The following PTN variants were observed in gnomAD, a reference collection of about 807,000 sequenced individuals.
PTN encodes pleiotrophin.
PTN carries 18 observed loss-of-function variants against 24.1 expected under a neutral mutation model. The ratio of observed to expected loss-of-function variants is 0.75; its 90% confidence interval spans 0.52 to 1.11. The LOEUF (loss-of-function observed/expected upper bound fraction) is 1.11. PTN is among the 50% of genes least tolerant of loss of function. The pLI, the probability that PTN is intolerant of heterozygous loss-of-function variation, is 0.00. For missense variants in PTN, 163 were observed against 198.8 expected (o/e 0.82, Z 1.08); for synonymous variants, 78 against 68.6 (o/e 1.14, Z -0.67).
chr7:137,342,838 A>T (rs1249990109), intron 1 of PTN, among the ~76,000 whole-genome samples: 1 of 152,146 alleles, frequency 6.6e-6, no homozygotes, highest in Non-Finnish European at 1.5e-5. Flanking sequence ...TAAACTTTGG[A>T]CCTAACCATT....
At chr7:137,248,690 A>C (rs1158230973) in intron 4 of PTN, among the ~76,000 whole-genome samples, 1 of 152,176 alleles carries the variant, frequency 6.6e-6, no homozygotes, top group Non-Finnish European at 1.5e-5. Context: ...AAAAAGAAAA[A>C]AGAAATCATT....
intron 1 of PTN, among the ~76,000 whole-genome samples, chr7:137,258,850 G>C (rs1808982244): frequency 6.6e-6 from 1 of 152,124 alleles, no homozygotes; most frequent in Non-Finnish European, 1.5e-5. Context: ...TGCCAAATGA[G>C]AGCAGAGGCA....
Position 137,324,084 on chromosome 7 carries a change from T to C in PTN, c.-2+19355A>G, listed in dbSNP as rs986036071. On this transcript the variant is annotated intron_variant, in intron 1 of 4. Coordinates refer to ENST00000348225, the MANE Select transcript of PTN (RefSeq NM_002825.7). ...CAGTTGTAGAGGCTGGTCTAGAACATAGAATCTATTATATTCCAACAAATT... is the reference window on the plus strand; with the variant it reads ...CAGTTGTAGAGGCTGGTCTAGAACACAGAATCTATTATATTCCAACAAATT... 3.3e-5 allele frequency among the ~76,000 whole-genome samples: 5 copies of C among 152,134 alleles called. 1 individual carries two copies. Among genetic ancestry groups the C allele is most frequent in the Admixed American group, 1.3e-4 (2 of 15,262 alleles).
At chr7:137,333,057 A>T (rs1302086931) in intron 1 of PTN, among the ~76,000 whole-genome samples, 3 of 152,160 alleles carry the variant, frequency 2.0e-5, no homozygotes, top group Non-Finnish European at 4.4e-5. Flanking sequence ...ATGGGAGTAG[A>T]TTCCCTCATG....
intron 2 of PTN, 124 bp from the exon 3 acceptor site, chr7:137,253,761 C>A: frequency 1.3e-6 from 1 of 799,674 alleles, no homozygotes; most frequent in Non-Finnish European, 1.8e-6. Context: ...TCCTTATTGT[C>A]TAATGAATAG....
intron 4 of PTN, among the ~76,000 whole-genome samples, chr7:137,246,906 A>G (rs1280605893): frequency 6.6e-6 from 1 of 152,188 alleles, no homozygotes; most frequent in Non-Finnish European, 1.5e-5. Flanking sequence ...GAGTTGCCTA[A>G]CATTTCTGAG....
Position 137,331,949 on chromosome 7 carries a change from G to A in PTN, c.-2+11490C>T, listed in dbSNP as rs191464198. 3.1e-3 allele frequency among the ~76,000 whole-genome samples: 470 copies of A among 152,322 alleles called. 6 individuals carry two copies. The highest frequency in any genetic ancestry group is 0.017 in the Middle Eastern group (5 of 294). ...TATTTGTTTGTTTGCTTTATGAGAT[G>A]TTTGTTTGCTTGCATTTTCCCAGTG... On this transcript the variant is annotated intron_variant, in intron 1 of 4. Transcript: ENST00000348225.
At chr7:137,329,759 T>C (rs560353004) in intron 1 of PTN, among the ~76,000 whole-genome samples, 1 of 152,280 alleles carries the variant, frequency 6.6e-6, no homozygotes, top group African/African-American at 2.4e-5. Flanking sequence ...GAGTACTATC[T>C]GCAACTGGCA....
chr7:137,339,212 T>C (rs974137383), intron 1 of PTN, among the ~76,000 whole-genome samples: 2 of 152,028 alleles, frequency 1.3e-5, no homozygotes, highest in Non-Finnish European at 2.9e-5. Context: ...TTAATTGAGA[T>C]CTCCTTTAAA....
intron 1 of PTN, chr7:137,324,617 C>A (rs1257465661): frequency 2.0e-5 from 3 of 151,578 alleles, no homozygotes; most frequent in African/African-American, 7.3e-5. Flanking sequence ...ATAATCTACA[C>A]ACAGAAAATA....
intron 1 of PTN, among the ~76,000 whole-genome samples, chr7:137,323,029 A>G (rs1291323324): frequency 1.3e-5 from 2 of 152,306 alleles, no homozygotes; most frequent in East Asian, 3.9e-4. Flanking sequence ...CTGTAACTCC[A>G]CTTATGTTTG....
intron 4 of PTN, among the ~76,000 whole-genome samples, chr7:137,250,279 A>G (rs1808800256): frequency 6.6e-6 from 1 of 152,186 alleles, no homozygotes; most frequent in Admixed American, 6.5e-5. Flanking sequence ...TACAAGCCTA[A>G]GATCAAGGCA....
Position 137,254,988 on chromosome 7 carries a change from G to C in PTN, c.-1-14C>G, listed in dbSNP as rs1217771985. ...TGAGCCTGCATTCTAGGAATAAACA[G>C]AGAAAGAGAAGAAGGTGGCATTAAC... On this transcript the variant is annotated splice_polypyrimidine_tract_variant and intron_variant, in intron 1 of 4. Transcript: ENST00000348225. 9.3e-6 allele frequency: 14 copies of C among 1,501,998 alleles called. No individual in the cohort carries two copies. The highest frequency in any genetic ancestry group is 1.3e-5 in the Non-Finnish European group (14 of 1,102,342). The allele number at this position is 1,501,998 out of a possible 1,614,324, so 93.0% of individuals were successfully genotyped here.
intron 1 of PTN, among the ~76,000 whole-genome samples, chr7:137,256,387 A>C (rs892978048): frequency 6.6e-6 from 1 of 151,026 alleles, no homozygotes; most frequent in Non-Finnish European, 1.5e-5. Context: ...TCAATGTTCA[A>C]CTCCCAGTTA....
rs1014555414 is a variant in PTN, at chr7:137,236,384, A to C, written c.452-8309T>G. The C allele has an allele frequency of 7.7e-5, 49 of 636,622 alleles. No homozygotes were observed. The African/African-American group carries it at 8.5e-4, about 11-fold the overall frequency. 39.4% of individuals were successfully genotyped at this position (636,622 alleles called of 1,614,324 possible). A position where few individuals can be genotyped will look rare whatever the true frequency, so the allele number is the denominator to read the frequency against. On this transcript the variant is annotated intron_variant, in intron 4 of 4. Coordinates refer to ENST00000348225, the MANE Select transcript of PTN (RefSeq NM_002825.7). ...TTGGGATCAGTCCCTGATCTGACCCATACATACATGTATACCAAGTAGAAA... is the reference window on the plus strand; with the variant it reads ...TTGGGATCAGTCCCTGATCTGACCCCTACATACATGTATACCAAGTAGAAA...
intron 4 of PTN, among the ~76,000 whole-genome samples, chr7:137,241,453 A>C (rs1394109305): frequency 1.3e-5 from 2 of 152,186 alleles, no homozygotes; most frequent in Non-Finnish European, 2.9e-5. Context: ...AATCACCATA[A>C]TTCTCCTTTT....
chr7:137,328,360 T>C (rs1347433188), intron 1 of PTN, among the ~76,000 whole-genome samples: 1 of 152,194 alleles, frequency 6.6e-6, no homozygotes, highest in Non-Finnish European at 1.5e-5. Context: ...GAATGACCTA[T>C]CACTCACAAC....
At chr7:137,278,368 A>C (rs833389) in intron 1 of PTN, among the ~76,000 whole-genome samples, 145,199 of 145,302 alleles carry the variant, frequency 1, 72,549 homozygotes, top group Non-Finnish European at 1. Flanking sequence ...CAGATTGTCA[A>C]ATTAGATAAA....
intron 1 of PTN, among the ~76,000 whole-genome samples, chr7:137,264,782 T>C (rs1417890800): frequency 2.0e-5 from 3 of 152,198 alleles, no homozygotes; most frequent in African/African-American, 4.8e-5. Context: ...TTTATTAAAG[T>C]TACCACAGCA....
Sources: gnomAD v4.1 joint callset for allele counts (sites outside exome capture counted in the v4.1 genomes callset) on GRCh38, gnomAD v4.1.1 for gene constraint, MANE v1.5 for transcripts, NCBI Gene and HGNC (gene_info 2026-07-23, HGNC 2026-07-21) for gene names.